The following WT1 variants were observed in gnomAD, a reference collection of about 807,000 sequenced individuals.
WT1 encodes the protein WT1 transcription factor.
In WT1, 8 loss-of-function variants were observed where a neutral mutation model predicts 60.8. That is an observed-to-expected ratio of 0.13 (90% confidence interval 0.08 to 0.24). The LOEUF is 0.24. Ranked by LOEUF, WT1 falls within the 10% of genes least tolerant of loss-of-function variation. WT1 has a pLI of 1.00. For missense variants in WT1, 568 were observed against 711.8 expected, an observed-to-expected ratio of 0.80 and a Z score of 2.30; for synonymous variants, 312 against 297.1, an observed-to-expected ratio of 1.05 and a Z score of -0.52.
intron 1 of WT1, chr11:32,430,474 G>GAGAGAGAGAGAGAGAA: frequency 6.4e-7 from 1 of 1,566,664 alleles, no homozygotes; most frequent in Non-Finnish European, 8.7e-7. Flanking sequence ...GAGAGAGAGA[G>GAGAGAGAGAGAGAGAA]AGAGAGAGAG....
At chr11:32,403,577 T>C (rs982907331) in intron 5 of WT1, among the ~76,000 whole-genome samples, 5 of 149,054 alleles carry the variant, frequency 3.4e-5, no homozygotes, top group Non-Finnish European at 7.5e-5. Flanking sequence ...TATTACTTTT[T>C]TTTTTTTTTT....
At chr11:32,410,906 C>A (rs560070680) in intron 5 of WT1, among the ~76,000 whole-genome samples, 1 of 152,290 alleles carries the variant, frequency 6.6e-6, no homozygotes, top group African/African-American at 2.4e-5. Context: ...GATCAATGTT[C>A]TTCTACCTAG....
intron 3 of WT1, among the ~76,000 whole-genome samples, chr11:32,418,436 G>T (rs1852749977): frequency 6.6e-6 from 1 of 152,028 alleles, no homozygotes; most frequent in Non-Finnish European, 1.5e-5. Flanking sequence ...AAATTACCAA[G>T]CTCCATCAGG....
chr11:32,427,905 G>T lies in WT1; in HGVS notation c.887+51C>A, dbSNP rs778743616. The stretch of plus-strand genomic sequence containing the variant: ...CGTTCCCAAGTCCGCCGGCTCATGC[G>T]TCCCCTCCGGGGTCCCAAGGACCCA... On this transcript the variant is annotated intron_variant, in intron 3 of 9. Coordinates refer to ENST00000452863, the MANE Select transcript of WT1 (RefSeq NM_024426.6). 9.7e-6 allele frequency: 15 copies of T among 1,541,862 alleles called. No individual in the cohort carries two copies. In the African/African-American group the frequency reaches 2.0e-4, roughly 21 times the overall value.
chr11:32,431,202 G>A (rs970313744), intron 1 of WT1, among the ~76,000 whole-genome samples: 10 of 152,200 alleles, frequency 6.6e-5, no homozygotes, highest in Middle Eastern at 3.2e-3. Context: ...GCTCAGCCAG[G>A]AAGGTGCTCA....
At chr11:32,406,241 G>T (rs141287522) in intron 5 of WT1, among the ~76,000 whole-genome samples, 244 of 152,206 alleles carry the variant, frequency 1.6e-3, no homozygotes, top group African/African-American at 5.5e-3. Flanking sequence ...GTGGAGGTGG[G>T]GGTGGTTTTG....
chr11:32,430,455 G>GGAGGGAGAGAGAGAGA (rs1554945663), intron 1 of WT1: 12 of 898,576 alleles, frequency 1.3e-5, no homozygotes, highest in African/African-American at 5.4e-5. Flanking sequence ...AGAGAGGGAG[G>GGAGGGAGAGAGAGAGA]GAGAGAGAGA....
chr11:32,401,604 G>T (rs976814992), intron 5 of WT1, among the ~76,000 whole-genome samples: 1 of 151,848 alleles, frequency 6.6e-6, no homozygotes, highest in South Asian at 2.1e-4. Flanking sequence ...GCAGTGGTGC[G>T]ATCTTGGCTC....
intron 5 of WT1, 139 bp downstream of exon 5, chr11:32,416,351 G>A (rs1207574547): frequency 4.8e-6 from 5 of 1,033,872 alleles, no homozygotes; most frequent in South Asian, 3.8e-5. Flanking sequence ...AGAAGAGGTG[G>A]GGGCGGGGGA....
chr11:32,388,572 A>G lies in WT1; in HGVS notation c.*486T>C, dbSNP rs1443928605. On this transcript the variant is annotated 3_prime_UTR_variant, in exon 10 of 10. Coordinates refer to ENST00000452863, the MANE Select transcript of WT1 (RefSeq NM_024426.6). ...GAATGTTAGACAAGATTCACCCCCGATGCCTTGCTCTCTGATTTATTTCTT... is the reference window on the plus strand; with the variant it reads ...GAATGTTAGACAAGATTCACCCCCGGTGCCTTGCTCTCTGATTTATTTCTT... 1.6e-5 allele frequency: 4 copies of G among 250,944 alleles called. No homozygotes were observed. The highest frequency in any genetic ancestry group is 3.1e-5 in the Non-Finnish European group (4 of 127,526). 15.5% of individuals were successfully genotyped at this position (250,944 alleles called of 1,614,324 possible). A position where few individuals can be genotyped will look rare whatever the true frequency, so the allele number is the denominator to read the frequency against.
At chr11:32,416,936 G>T (rs1852693244) in intron 4 of WT1, among the ~76,000 whole-genome samples, 1 of 152,190 alleles carries the variant, frequency 6.6e-6, no homozygotes, top group African/African-American at 2.4e-5. Flanking sequence ...CTTCATGAGT[G>T]TTCTATGCTA....
chr11:32,401,398 G>T (rs1249471507), intron 5 of WT1, among the ~76,000 whole-genome samples: 5 of 151,738 alleles, frequency 3.3e-5, no homozygotes, highest in African/African-American at 1.2e-4. Flanking sequence ...TAAAATTGTG[G>T]TAATGGTCAT....
intron 5 of WT1, among the ~76,000 whole-genome samples, chr11:32,403,174 C>A (rs1852206617): frequency 6.6e-6 from 1 of 152,006 alleles, no homozygotes; most frequent in Non-Finnish European, 1.5e-5. Context: ...AACAGCCAGG[C>A]CCCCGCCTAT....
rs756055892 is a variant in WT1 at position 32,435,111 on chromosome 11, G to A, written c.250C>T (p.Leu84=). ...CCCAGGGAGGGGACGGCGGGCAGCA[G>A]CGCGTTCAGGTCCCGCACGTCGGAG... Residue 84 remains leucine (L), a synonymous_variant, in exon 1 of 10, where the codon CTG becomes TTG. Transcript: ENST00000452863. 6.6e-7 allele frequency: 1 copy of A among 1,510,192 alleles called. No homozygotes were observed. The highest frequency in any genetic ancestry group is 1.2e-5 in the South Asian group (1 of 81,582). The allele number at this position is 1,510,192 out of a possible 1,614,324, so 93.5% of individuals were successfully genotyped here.
chr11:32,431,449 TTTTC>T (rs1233589713), intron 1 of WT1, among the ~76,000 whole-genome samples: 101 of 109,498 alleles, frequency 9.2e-4, no homozygotes, highest in South Asian at 6.8e-3. Flanking sequence ...TTTTTTTTTT[TTTTC>T]CGAGACGGAG....
At chr11:32,419,488 C>T (rs556483368) in intron 3 of WT1, among the ~76,000 whole-genome samples, 2 of 152,302 alleles carry the variant, frequency 1.3e-5, no homozygotes, top group East Asian at 1.9e-4. Flanking sequence ...GATATGGGAT[C>T]TTTCTGAAAT....
intron 5 of WT1, among the ~76,000 whole-genome samples, chr11:32,411,413 A>G (rs1352466521): frequency 6.6e-6 from 1 of 152,256 alleles, no homozygotes; most frequent in Non-Finnish European, 1.5e-5. Flanking sequence ...ATAAATATGC[A>G]TTTGCTGAAT....
chr11:32,388,044 C>T lies in WT1; in HGVS notation c.*1014G>A. The T allele has an allele frequency of 4.2e-6, 1 of 236,446 alleles. No individual in the cohort carries two copies. Among genetic ancestry groups the T allele is most frequent in the Non-Finnish European group, 8.3e-6 (1 of 120,566 alleles). The allele number at this position is 236,446 out of a possible 1,614,324, so 14.6% of individuals were successfully genotyped here. ...CACACACACACACACACACGACCATCTTTAAACAATGGATTTCCTCACCCA... is the reference window on the plus strand; with the variant it reads ...CACACACACACACACACACGACCATTTTTAAACAATGGATTTCCTCACCCA... On this transcript the variant is annotated 3_prime_UTR_variant, in exon 10 of 10. Transcript: ENST00000452863.
At chr11:32,408,239 G>T (rs970726786) in intron 5 of WT1, among the ~76,000 whole-genome samples, 1 of 150,452 alleles carries the variant, frequency 6.6e-6, no homozygotes, top group Non-Finnish European at 1.5e-5. Context: ...AATGCTGGGC[G>T]CAGTGGCTCA....
Sources: gnomAD v4.1 joint callset for allele counts (sites outside exome capture counted in the v4.1 genomes callset) on GRCh38, gnomAD v4.1.1 for gene constraint, MANE v1.5 for transcripts, NCBI Gene and HGNC (gene_info 2026-07-23, HGNC 2026-07-21) for gene names.